The following BCL2L13 variants were observed in gnomAD, a reference collection of about 807,000 sequenced individuals.
BCL2L13 encodes bcl-2-like protein 13.
In BCL2L13, 13 loss-of-function variants were observed where a neutral mutation model predicts 25.8. That is an observed-to-expected ratio of 0.50 (90% CI 0.33 to 0.80). BCL2L13 has a LOEUF of 0.80. Among genes scored for constraint, BCL2L13 ranks in the 30% least tolerant of loss-of-function variants. The pLI, the probability that BCL2L13 is intolerant of heterozygous loss-of-function variation, is 0.02. For missense variants in BCL2L13, 504 were observed against 574.9 expected (o/e 0.88, Z 1.26); for synonymous variants, 244 against 230.3 (o/e 1.06, Z -0.54).
intron 2 of BCL2L13, among the ~76,000 whole-genome samples, chr22:17,670,346 T>C (rs2059376924): frequency 7.4e-6 from 1 of 135,700 alleles, no homozygotes; most frequent in Admixed American, 7.4e-5. Flanking sequence ...GTAGATCAAT[T>C]TGGGGAGTCC....
intron 1 of BCL2L13, among the ~76,000 whole-genome samples, chr22:17,629,217 G>A (rs1280445802): frequency 1.3e-5 from 2 of 151,854 alleles, no homozygotes; most frequent in East Asian, 1.9e-4. Context: ...AAAAAAAAAA[G>A]GGGGATACAT....
At chr22:17,711,143 G>A (rs1254899205) in intron 6 of BCL2L13, among the ~76,000 whole-genome samples, 1 of 151,774 alleles carries the variant, frequency 6.6e-6, no homozygotes, top group Non-Finnish European at 1.5e-5. Flanking sequence ...GATCTATTGA[G>A]CCCAGGATTT....
chr22:17,715,146 ATATATATATATATATATATATATATTT>A (rs1181075873), intron 6 of BCL2L13, among the ~76,000 whole-genome samples: 1,216 of 8,002 alleles, frequency 0.15, 76 homozygotes, highest in Admixed American at 0.28. Flanking sequence ...ATATATATAT[ATATATATATATATATATATATATATTT>A]TTTTTTTTTT....
intron 1 of BCL2L13, among the ~76,000 whole-genome samples, chr22:17,639,720 G>A (rs9605359): frequency 0.47 from 71,998 of 152,010 alleles, 18,295 homozygotes; most frequent in African/African-American, 0.64. Flanking sequence ...TGTTGTTGTT[G>A]CGTAAAACAA....
At chr22:17,705,939 C>T (rs2060577266) in intron 6 of BCL2L13, among the ~76,000 whole-genome samples, 1 of 152,148 alleles carries the variant, frequency 6.6e-6, no homozygotes, top group Non-Finnish European at 1.5e-5. Flanking sequence ...AGCACATAGT[C>T]AGTTAGGAAC....
At chr22:17,646,598 G>T (rs13054956) in intron 1 of BCL2L13, among the ~76,000 whole-genome samples, 23,832 of 150,334 alleles carry the variant, frequency 0.16, 2,378 homozygotes, top group Non-Finnish European at 0.21. Context: ...ACTCACTTCT[G>T]GATACCAAGA....
At chr22:17,636,930 A>T (rs1334554449), upstream of BCL2L13, among the ~76,000 whole-genome samples, 1 of 152,252 alleles carries the variant, frequency 6.6e-6, no homozygotes, top group Non-Finnish European at 1.5e-5. Flanking sequence ...TACATTTTTG[A>T]AAGTTTTTTT....
intron 1 of BCL2L13, among the ~76,000 whole-genome samples, chr22:17,641,442 A>G (rs1220672803): frequency 6.6e-6 from 1 of 152,180 alleles, no homozygotes; most frequent in Non-Finnish European, 1.5e-5. Flanking sequence ...CCATGAGGCA[A>G]CATGATTTGA....
intron 1 of BCL2L13, among the ~76,000 whole-genome samples, chr22:17,632,626 A>G (rs5747297): frequency 0.46 from 69,987 of 151,916 alleles, 17,166 homozygotes; most frequent in African/African-American, 0.61. Flanking sequence ...GGGAGTAGAA[A>G]CAGCAGTCTA....
At position 17,727,766 on chromosome 22, in the gene BCL2L13, G is replaced by C. The variant is rs917274646; in HGVS notation, c.*232G>C. On this transcript the variant is annotated 3_prime_UTR_variant, in exon 7 of 7. Transcript: ENST00000317582. ...CTCATGCTAAATTGAGAATCTTAGGGGTAAAGCACCCCCTCCAGGACCGGG... is the reference window on the plus strand; with the variant it reads ...CTCATGCTAAATTGAGAATCTTAGGCGTAAAGCACCCCCTCCAGGACCGGG... 1.7e-6 allele frequency: 1 copy of C among 598,134 alleles called. No individual in the cohort carries two copies. Among genetic ancestry groups the C allele is most frequent in the African/African-American group, 1.9e-5 (1 of 53,902 alleles). The allele number at this position is 598,134 out of a possible 1,614,324, so 37.1% of individuals were successfully genotyped here. A position where few individuals can be genotyped will look rare whatever the true frequency, so the allele number is the denominator to read the frequency against.
intron 1 of BCL2L13, among the ~76,000 whole-genome samples, chr22:17,644,008 A>G (rs1189041482): frequency 6.6e-6 from 1 of 151,340 alleles, no homozygotes; most frequent in African/African-American, 2.5e-5. Context: ...TCCTGGGCTC[A>G]AGCCTGATTC....
rs61709181 is a variant in BCL2L13 at position 17,663,683 on chromosome 22, C to CTTTTTT, written c.121+7864_121+7869dup. 2.3e-4 allele frequency among the ~76,000 whole-genome samples: 25 copies of CTTTTTT among 107,480 alleles called. 1 individual carries two copies. The highest frequency in any genetic ancestry group is 5.2e-4 in the Admixed American group (4 of 7,698). 70.5% of individuals were successfully genotyped at this position (107,480 alleles called of 152,430 possible). On this transcript the variant is annotated intron_variant, in intron 2 of 6. Coordinates refer to ENST00000317582, the MANE Select transcript of BCL2L13 (RefSeq NM_015367.4). ...TTTATTATTATCTTTTACATTTTTC[C>CTTTTTT]TTTTTTTTTTTTTTTTTTGAGATGG...
intron 6 of BCL2L13, among the ~76,000 whole-genome samples, chr22:17,710,570 A>G (rs1331682568): frequency 6.6e-6 from 1 of 151,384 alleles, no homozygotes; most frequent in Non-Finnish European, 1.5e-5. Flanking sequence ...ACAGAGCAAG[A>G]CTCTGTCTCA....
chr22:17,680,511 CAAAAAA>C (rs770410371), intron 2 of BCL2L13, among the ~76,000 whole-genome samples: 4 of 13,364 alleles, frequency 3.0e-4, no homozygotes, highest in African/African-American at 3.0e-4. Flanking sequence ...GACTCTGTCT[CAAAAAA>C]AAAAAAAAAA....
At chr22:17,720,526 T>G (rs1264902678) in intron 6 of BCL2L13, among the ~76,000 whole-genome samples, 1 of 151,818 alleles carries the variant, frequency 6.6e-6, no homozygotes, top group Non-Finnish European at 1.5e-5. Context: ...CTGGCTAATT[T>G]TTTTGTATTT....
At chr22:17,663,604 A>T (rs550906824) in intron 2 of BCL2L13, among the ~76,000 whole-genome samples, 1 of 151,500 alleles carries the variant, frequency 6.6e-6, no homozygotes, top group African/African-American at 2.4e-5. Flanking sequence ...GGAACATTTC[A>T]TATTTACATG....
intron 6 of BCL2L13, among the ~76,000 whole-genome samples, chr22:17,705,253 A>G (rs1260539723): frequency 1.3e-5 from 2 of 152,044 alleles, no homozygotes; most frequent in African/African-American, 4.8e-5. Flanking sequence ...AGCCTGGGCA[A>G]CAAGAGCGAA....
chr22:17,660,103 C>CA (rs200266254), intron 2 of BCL2L13, among the ~76,000 whole-genome samples: 2,657 of 146,520 alleles, frequency 0.018, 170 homozygotes, highest in African/African-American at 0.059. Flanking sequence ...TGATCCACCC[C>CA]ACCTTGGCCT....
chr22:17,644,588 C>G (rs2058407587), intron 1 of BCL2L13, among the ~76,000 whole-genome samples: 1 of 151,056 alleles, frequency 6.6e-6, no homozygotes, highest in Non-Finnish European at 1.5e-5. Context: ...CCTTGGCCTT[C>G]CAAAGTGCTG....
Sources: gnomAD v4.1 joint callset for allele counts (sites outside exome capture counted in the v4.1 genomes callset) on GRCh38, gnomAD v4.1.1 for gene constraint, MANE v1.5 for transcripts, NCBI Gene and HGNC (gene_info 2026-07-23, HGNC 2026-07-21) for gene names.